Variants in SMG7 observed in about 807,000 individuals in gnomAD.
The protein encoded by SMG7 is nonsense-mediated mRNA decay factor SMG7.
A neutral mutation model predicts 148.2 loss-of-function variants in SMG7; 34 were observed. The observed-to-expected ratio is 0.23, with a 90% CI of 0.17 to 0.31. SMG7 has a LOEUF of 0.31. Among genes scored for constraint, SMG7 ranks in the 10% least tolerant of loss-of-function variants. The pLI, the probability that SMG7 is intolerant of heterozygous loss-of-function variation, is 1.00. For synonymous variants in SMG7, 492 were observed against 515.1 expected, an observed-to-expected ratio of 0.96 and a Z score of 0.61; for missense variants, 1,114 against 1,408.4, an observed-to-expected ratio of 0.79 and a Z score of 3.35.
rs543775084 is a variant in SMG7 at position 183,537,076 on chromosome 1, T to C, written c.1164-69T>C. The C allele has an allele frequency of 2.2e-4, 237 of 1,096,216 alleles. 3 individuals carry two copies. In the South Asian group the frequency reaches 2.3e-3, roughly 11 times the overall value. The allele number at this position is 1,096,216 out of a possible 1,614,324, so 67.9% of individuals were successfully genotyped here. ...AGTCCAGGACCTATAGATACCATTT[T>C]CATGGCTTATTAGTGTTCTGGTTTC... On this transcript the variant is annotated intron_variant, in intron 10 of 22. Coordinates refer to ENST00000688051, the MANE Select transcript of SMG7 (RefSeq NM_001375584.1).
At chr1:183,524,219 C>CT (rs1277671239) in intron 4 of SMG7, among the ~76,000 whole-genome samples, 38 of 152,138 alleles carry the variant, frequency 2.5e-4, no homozygotes, top group African/African-American at 8.9e-4. Flanking sequence ...AGTACGGGGA[C>CT]TATAGCACTG....
intron 22 of SMG7, 109 bp from the exon 23 acceptor site, chr1:183,551,709 T>G: frequency 1.5e-6 from 1 of 655,904 alleles, no homozygotes; most frequent in Non-Finnish European, 2.4e-6. Context: ...GGGAGTGGGG[T>G]TGGGTTTTGG....
At chr1:183,487,253 T>G (rs1023975532) in intron 1 of SMG7, among the ~76,000 whole-genome samples, 1 of 152,116 alleles carries the variant, frequency 6.6e-6, no homozygotes, top group South Asian at 2.1e-4. Context: ...CTGCCCACAT[T>G]CCTTAGCTCA....
chr1:183,494,574 A>G (rs535014381), intron 1 of SMG7, among the ~76,000 whole-genome samples: 1 of 150,592 alleles, frequency 6.6e-6, no homozygotes, highest in Non-Finnish European at 1.5e-5. Flanking sequence ...TCTTGGCATC[A>G]AATTTCCTCA....
chr1:183,498,251 C>T (rs969077946), intron 1 of SMG7, among the ~76,000 whole-genome samples: 4 of 152,150 alleles, frequency 2.6e-5, no homozygotes, highest in African/African-American at 9.7e-5. Context: ...ACTGTTTCAG[C>T]TGAGTGCAGT....
At chr1:183,507,413 G>C (rs895335525) in intron 1 of SMG7, among the ~76,000 whole-genome samples, 2 of 152,064 alleles carry the variant, frequency 1.3e-5, no homozygotes, top group African/African-American at 4.8e-5. Context: ...TTGTGTAAGA[G>C]AGGAACTATT....
At chr1:183,534,983 C>T (rs979789406) in intron 10 of SMG7, among the ~76,000 whole-genome samples, 1 of 152,044 alleles carries the variant, frequency 6.6e-6, no homozygotes, top group Non-Finnish European at 1.5e-5. Context: ...ATACTATATA[C>T]ATCTCCTTTT....
At chr1:183,500,107 C>T (rs1659417653) in intron 1 of SMG7, among the ~76,000 whole-genome samples, 2 of 152,110 alleles carry the variant, frequency 1.3e-5, no homozygotes, top group South Asian at 4.1e-4. Context: ...GGGGAAATAG[C>T]TTTCCTGTTG....
intron 1 of SMG7, among the ~76,000 whole-genome samples, chr1:183,494,908 C>T (rs908955757): frequency 6.6e-6 from 1 of 151,426 alleles, no homozygotes; most frequent in African/African-American, 2.4e-5. Context: ...CGGCTCACCA[C>T]AACCTTGCCT....
In SMG7 at chr1:183,552,003, C is replaced by G; in HGVS notation, c.*72C>G. On this transcript the variant is annotated 3_prime_UTR_variant, in exon 23 of 23. Coordinates refer to ENST00000688051, the MANE Select transcript of SMG7 (RefSeq NM_001375584.1). The stretch of plus-strand genomic sequence containing the variant: ...GTTGGGTTTGCAGGACTGGCCCACA[C>G]AGTCCCCTGCAGGTGGCAGCCCTCT... 1.3e-6 allele frequency: 2 copies of G among 1,492,878 alleles called. No homozygotes were observed. The highest frequency in any genetic ancestry group is 1.8e-6 in the Non-Finnish European group (2 of 1,110,552). The allele number at this position is 1,492,878 out of a possible 1,614,324, so 92.5% of individuals were successfully genotyped here. A position where few individuals can be genotyped will look rare whatever the true frequency, so the allele number is the denominator to read the frequency against.
chr1:183,512,964 C>A, intron 2 of SMG7, 96 bp downstream of exon 2: 1 of 1,134,634 alleles, frequency 8.8e-7, no homozygotes, highest in Non-Finnish European at 1.2e-6. Flanking sequence ...CACTAAATCC[C>A]ATCTTAGTTG....
At chr1:183,532,659 A>G (rs1188009202) in intron 8 of SMG7, among the ~76,000 whole-genome samples, 1 of 152,200 alleles carries the variant, frequency 6.6e-6, no homozygotes, top group Non-Finnish European at 1.5e-5. Context: ...CCTTGTTTAT[A>G]AAATAAGTTT....
intron 4 of SMG7, among the ~76,000 whole-genome samples, chr1:183,519,593 AT>A (rs1481332947): frequency 1.3e-5 from 2 of 152,062 alleles, no homozygotes; most frequent in African/African-American, 2.4e-5. Flanking sequence ...TTCTTTTCTG[AT>A]TGTAAAAATA....
In SMG7 at chr1:183,545,957, C is replaced by CT; in HGVS notation, c.2371-3dup. On this transcript the variant is annotated splice_polypyrimidine_tract_variant and intron_variant, in intron 16 of 22. Transcript: ENST00000688051. ...ATCCTCACCTTTATGACAGGCGTCT[C>CT]TTTTTTAGTATCAACAGGCAGATGC... The CT allele has an allele frequency of 1.3e-6, 2 of 1,570,916 alleles. No individual in the cohort carries two copies. The highest frequency in any genetic ancestry group is 8.6e-7 in the Non-Finnish European group (1 of 1,163,954).
intron 1 of SMG7, among the ~76,000 whole-genome samples, chr1:183,507,598 T>G (rs1299976159): frequency 1.3e-5 from 2 of 152,212 alleles, no homozygotes; most frequent in African/African-American, 4.8e-5. Flanking sequence ...AAATAATTTA[T>G]GTAAAGCTCT....
At chr1:183,519,794 G>T (rs1163188319) in intron 4 of SMG7, among the ~76,000 whole-genome samples, 2 of 151,918 alleles carry the variant, frequency 1.3e-5, no homozygotes, top group Non-Finnish European at 2.9e-5. Flanking sequence ...GCTTTTCCTT[G>T]TTAACAGTTT....
intron 2 of SMG7, among the ~76,000 whole-genome samples, chr1:183,514,216 C>CAA (rs36125833): frequency 0.015 from 1,457 of 99,104 alleles, 5 homozygotes; most frequent in Non-Finnish European, 0.021. Context: ...GTGAAATTCA[C>CAA]AAAAAAAAAA....
intron 1 of SMG7, among the ~76,000 whole-genome samples, chr1:183,505,015 T>A (rs1660582662): frequency 6.6e-6 from 1 of 152,100 alleles, no homozygotes; most frequent in South Asian, 2.1e-4. Context: ...TCCTATTTTT[T>A]ATTTTTTATA....
In SMG7 at chr1:183,553,205, C is replaced by T. The variant is rs1175266433; in HGVS notation, c.*1274C>T. ...GAGACGAAAGAAAGGAAAATAAACT[C>T]TTTGTATGATATTTATTAGGAGGAA... On this transcript the variant is annotated 3_prime_UTR_variant, in exon 23 of 23. Transcript: ENST00000688051. 3.3e-6 allele frequency: 5 copies of T among 1,531,868 alleles called. No individual in the cohort carries two copies. Among genetic ancestry groups the T allele is most frequent in the Non-Finnish European group, 4.4e-6 (5 of 1,143,262 alleles). The allele number at this position is 1,531,868 out of a possible 1,614,324, so 94.9% of individuals were successfully genotyped here. A position where few individuals can be genotyped will look rare whatever the true frequency, so the allele number is the denominator to read the frequency against.
Sources: allele counts gnomAD v4.1 joint callset (sites outside exome capture counted in the v4.1 genomes callset), GRCh38; gene constraint gnomAD v4.1.1; transcripts MANE v1.5; gene names NCBI Gene and HGNC (gene_info 2026-07-23, HGNC 2026-07-21).